PKN2: variants seen among roughly 807,000 people sequenced by gnomAD.
The protein encoded by PKN2 is protein kinase N2.
PKN2 carries 38 observed loss-of-function variants against 119.1 expected under a neutral mutation model. The ratio of observed to expected loss-of-function variants is 0.32; its 90% CI spans 0.25 to 0.42. The LOEUF (loss-of-function observed/expected upper bound fraction) is 0.42. PKN2 is among the 10% of genes least tolerant of loss of function. The pLI, the probability that PKN2 is intolerant of heterozygous loss-of-function variation, is 1.00. For synonymous variants in PKN2, 390 were observed against 384.9 expected, an observed-to-expected ratio of 1.01 and a Z score of -0.15; for missense variants, 850 against 1,165.1, an observed-to-expected ratio of 0.73 and a Z score of 3.94.
intron 8 of PKN2, among the ~76,000 whole-genome samples, chr1:88,787,585 C>T (rs1050656289): frequency 5.3e-5 from 8 of 152,232 alleles, no homozygotes; most frequent in Admixed American, 5.2e-4. Flanking sequence ...GAGGAAACAG[C>T]AGAAGATGAA....
At chr1:88,830,748 T>TA (rs904804758) in intron 19 of PKN2, among the ~76,000 whole-genome samples, 25 of 152,220 alleles carry the variant, frequency 1.6e-4, no homozygotes, top group African/African-American at 6.0e-4. Flanking sequence ...ACCTAGAAGA[T>TA]AAAAGACAGT....
In PKN2 at chr1:88,688,608, A is replaced by G. The variant is rs904841804; in HGVS notation, c.48+3980A>G. On this transcript the variant is annotated intron_variant, in intron 1 of 21. Coordinates refer to ENST00000370521, the MANE Select transcript of PKN2 (RefSeq NM_006256.4). ...GTTTTATTATTGTAGATACAGTCTA[A>G]TATTTCACAAAGAATAATAGTACAA... 4.4e-4 allele frequency among the ~76,000 whole-genome samples: 67 copies of G among 152,216 alleles called. 2 individuals carry two copies. Among genetic ancestry groups the G allele is most frequent in the Admixed American group, 7.8e-4 (12 of 15,290 alleles).
Position 88,795,631 on chromosome 1 carries a change from G to A in PKN2, c.1282-8760G>A, listed in dbSNP as rs1338963757. On this transcript the variant is annotated intron_variant, in intron 8 of 21. Coordinates refer to ENST00000370521, the MANE Select transcript of PKN2 (RefSeq NM_006256.4). ...TTATTTCTATTTTAGAGAGTACTGA[G>A]GTTCCAGGAGTTTCAGTTAGTTTTC... 3.3e-5 allele frequency among the ~76,000 whole-genome samples: 5 copies of A among 152,264 alleles called. No individual in the cohort carries two copies. In the South Asian group the frequency reaches 8.3e-4, roughly 25 times the overall value.
Position 88,741,130 on chromosome 1 carries a change from A to G in PKN2, c.191A>G (p.Glu64Gly). 6.2e-7 allele frequency: 1 copy of G among 1,613,034 alleles called. No homozygotes were observed. The highest frequency in any genetic ancestry group is 8.5e-7 in the Non-Finnish European group (1 of 1,179,566). ...REIRKELKIK[E>G]GAENLRKVTT... ...ATAAGGAAAGAACTGAAAATCAAAG[A>G]AGGAGCTGAAAATCTGAGGAAAGTC... Residue 64 changes from glutamate to glycine, a missense_variant, in exon 2 of 22, where the codon GAA becomes GGA. Glu to Gly is a moderately conservative substitution (Grantham distance 98, BLOSUM62 -2). Transcript: ENST00000370521.
chr1:88,786,486 C>T (rs1201182327), intron 8 of PKN2, among the ~76,000 whole-genome samples: 1 of 152,124 alleles, frequency 6.6e-6, no homozygotes. Context: ...AATATTGAAG[C>T]ATATTGGTGA....
intron 1 of PKN2, among the ~76,000 whole-genome samples, chr1:88,727,605 T>A (rs1250374618): frequency 6.6e-6 from 1 of 152,240 alleles, no homozygotes; most frequent in Non-Finnish European, 1.5e-5. Flanking sequence ...TCATTCCCAT[T>A]TCCCTTTTCT....
At chr1:88,763,607 CAAA>C (rs34763457) in intron 3 of PKN2, among the ~76,000 whole-genome samples, 6 of 103,394 alleles carry the variant, frequency 5.8e-5, no homozygotes, top group Non-Finnish European at 5.9e-5. Flanking sequence ...AACTCCATCT[CAAA>C]AAAAAAAAAA....
chr1:88,756,668 A>T (rs1446359276), intron 2 of PKN2, among the ~76,000 whole-genome samples: 3 of 152,204 alleles, frequency 2.0e-5, no homozygotes, highest in African/African-American at 7.2e-5. Context: ...CAAGATTCTG[A>T]TATCATTTAT....
chr1:88,790,724 C>T (rs1670796627), intron 8 of PKN2, among the ~76,000 whole-genome samples: 1 of 152,042 alleles, frequency 6.6e-6, no homozygotes, highest in Non-Finnish European at 1.5e-5. Context: ...GTTTCAGATC[C>T]AATAAATTTC....
At chr1:88,706,099 T>C (rs888301412) in intron 1 of PKN2, among the ~76,000 whole-genome samples, 5 of 152,320 alleles carry the variant, frequency 3.3e-5, no homozygotes, top group Admixed American at 6.5e-5. Context: ...CCAAACAATA[T>C]TAAGTTGTCT....
At chr1:88,769,616 G>T (rs935570338) in intron 3 of PKN2, among the ~76,000 whole-genome samples, 16 of 152,166 alleles carry the variant, frequency 1.1e-4, no homozygotes, top group African/African-American at 3.9e-4. Context: ...TATACACAAT[G>T]AAATATTGTT....
In PKN2 at chr1:88,740,997, C is replaced by A; in HGVS notation, c.58C>A (p.Arg20=). 6.4e-7 allele frequency: 1 copy of A among 1,562,254 alleles called. No individual in the cohort carries two copies. The highest frequency in any genetic ancestry group is 1.2e-5 in the South Asian group (1 of 81,672). ...TTTATTTTTTCTGTAGGGGGATTCC[C>A]GAAGTCTTCCGTTTTCTGAGAATGT... ...ILLTELQGDS[R]SLPFSENVSA... The change falls in exon 2 of 22, where the codon CGA becomes AGA. Residue 20 remains arginine (R), a synonymous_variant. Transcript: ENST00000370521.
Position 88,833,726 on chromosome 1 carries a change from C to A in PKN2, c.*278C>A. 1 of 320,792 alleles carries A rather than the reference C, an allele frequency of 3.1e-6. No individual in the cohort carries two copies. Among genetic ancestry groups the A allele is most frequent in the Non-Finnish European group, 5.7e-6 (1 of 176,564 alleles). The allele number at this position is 320,792 out of a possible 1,614,324, so 19.9% of individuals were successfully genotyped here. A position where few individuals can be genotyped will look rare whatever the true frequency, so the allele number is the denominator to read the frequency against. ...AAATCCATCACGAATACTTTTGGAT[C>A]AATAGTCTATTTTTAAAAAGAAAGA... On this transcript the variant is annotated 3_prime_UTR_variant, in exon 22 of 22. Transcript: ENST00000370521.
At chr1:88,754,704 G>A (rs909341769) in intron 2 of PKN2, among the ~76,000 whole-genome samples, 2 of 152,170 alleles carry the variant, frequency 1.3e-5, no homozygotes, top group African/African-American at 4.8e-5. Context: ...AAATATTTTG[G>A]TGGAGGAATT....
At chr1:88,795,212 A>C (rs1241381166) in intron 8 of PKN2, among the ~76,000 whole-genome samples, 4 of 152,166 alleles carry the variant, frequency 2.6e-5, no homozygotes, top group African/African-American at 9.7e-5. Context: ...TTGGTTTCAG[A>C]GAACGAAGTC....
Sources: gnomAD v4.1 joint callset for allele counts (sites outside exome capture counted in the v4.1 genomes callset) on GRCh38, gnomAD v4.1.1 for gene constraint, MANE v1.5 for transcripts, NCBI Gene and HGNC (gene_info 2026-07-23, HGNC 2026-07-21) for gene names.